RASGRF2: variants seen among roughly 807,000 people sequenced by gnomAD.
The protein encoded by RASGRF2 is ras-specific guanine nucleotide-releasing factor 2.
In RASGRF2, 76 loss-of-function variants were observed where a neutral mutation model predicts 151.0. The ratio of observed to expected loss-of-function variants is 0.50; its 90% confidence interval spans 0.42 to 0.61. The LOEUF is 0.61. RASGRF2 is among the 20% of genes least tolerant of loss of function. The pLI, the probability that RASGRF2 is intolerant of heterozygous loss-of-function variation, is 0.00. For synonymous variants in RASGRF2, 504 were observed against 566.5 expected (o/e 0.89, Z 1.57); for missense variants, 1,148 against 1,564.6 (o/e 0.73, Z 4.49).
chr5:81,163,947 G>A (rs151265450), intron 17 of RASGRF2, among the ~76,000 whole-genome samples: 1 of 152,240 alleles, frequency 6.6e-6, no homozygotes, highest in Non-Finnish European at 1.5e-5. Context: ...GTTAATATGT[G>A]TAAATTGCTT....
intron 1 of RASGRF2, among the ~76,000 whole-genome samples, chr5:80,996,504 C>CTTCTTCTTCTTCTTCTTCTTCTTCTT (rs56180832): frequency 2.0e-5 from 1 of 50,230 alleles, no homozygotes; most frequent in Admixed American, 2.1e-4. Flanking sequence ...TCTTCTTCTT[C>CTTCTTCTTCTTCTTCTTCTTCTTCTT]CTCCTCCTCC....
intron 16 of RASGRF2, among the ~76,000 whole-genome samples, chr5:81,124,582 T>C (rs1753400641): frequency 6.6e-6 from 1 of 152,186 alleles, no homozygotes; most frequent in African/African-American, 2.4e-5. Flanking sequence ...CCAGTCATCA[T>C]TATTGCTAGT....
intron 20 of RASGRF2, 117 bp downstream of exon 20, chr5:81,207,022 G>A: frequency 1.1e-6 from 1 of 918,810 alleles, no homozygotes; most frequent in Non-Finnish European, 1.7e-6. Context: ...TGTCCTATCT[G>A]TGAAGCTCTG....
At chr5:81,189,328 C>T (rs907470093) in intron 18 of RASGRF2, among the ~76,000 whole-genome samples, 2 of 152,200 alleles carry the variant, frequency 1.3e-5, no homozygotes, top group Admixed American at 6.5e-5. Flanking sequence ...GGCATGTCCC[C>T]AGCTGGTAGG....
chr5:81,167,139 C>T (rs1272483406), intron 17 of RASGRF2, among the ~76,000 whole-genome samples: 1 of 152,180 alleles, frequency 6.6e-6, no homozygotes. Flanking sequence ...CATTGCCCTC[C>T]ATGGGTAGAG....
chr5:81,057,731 G>C (rs1022854637), intron 2 of RASGRF2, among the ~76,000 whole-genome samples: 1 of 152,026 alleles, frequency 6.6e-6, no homozygotes, highest in Non-Finnish European at 1.5e-5. Context: ...ACAGTGGCTC[G>C]TGCCTATAAT....
intron 18 of RASGRF2, among the ~76,000 whole-genome samples, chr5:81,181,664 T>A (rs1754920173): frequency 1.3e-5 from 2 of 152,294 alleles, no homozygotes; most frequent in South Asian, 4.1e-4. Context: ...TTCTCAAGAA[T>A]CTTGACAGTT....
chr5:81,217,285 T>C (rs992765921), intron 24 of RASGRF2, 71 bp from the exon 25 acceptor site: 1 of 1,514,104 alleles, frequency 6.6e-7, no homozygotes, highest in Non-Finnish European at 8.8e-7. Flanking sequence ...TAATCCTCCT[T>C]TGTTTAATTT....
intron 24 of RASGRF2, chr5:81,217,041 T>C (rs747265530): frequency 9.0e-6 from 4 of 443,196 alleles, no homozygotes; most frequent in African/African-American, 6.0e-5. Context: ...CTCAAAAAAG[T>C]GTGGGCAGTT....
chr5:80,961,495 G>T (rs1747554385), intron 1 of RASGRF2, among the ~76,000 whole-genome samples: 1 of 152,216 alleles, frequency 6.6e-6, no homozygotes, highest in Admixed American at 6.5e-5. Context: ...GGTTGGGCTG[G>T]GAACAAGCGG....
At chr5:81,223,757 C>T (rs1580419648) in intron 26 of RASGRF2, among the ~76,000 whole-genome samples, 5 of 151,848 alleles carry the variant, frequency 3.3e-5, no homozygotes, top group Admixed American at 3.3e-4. Context: ...ATAAAGAAGG[C>T]ACTCAAAGAA....
At chr5:81,110,274 T>A (rs529621393) in intron 13 of RASGRF2, among the ~76,000 whole-genome samples, 1 of 152,374 alleles carries the variant, frequency 6.6e-6, no homozygotes, top group East Asian at 1.9e-4. Context: ...CTCTCAAGAT[T>A]GCTTTTTAAG....
At chr5:81,001,453 A>T (rs1374764783) in intron 1 of RASGRF2, among the ~76,000 whole-genome samples, 2 of 152,034 alleles carry the variant, frequency 1.3e-5, no homozygotes, top group East Asian at 3.9e-4. Flanking sequence ...GGTGTGCTTT[A>T]TCCTTTTTAC....
intron 2 of RASGRF2, among the ~76,000 whole-genome samples, chr5:81,045,499 G>A (rs1373194496): frequency 1.3e-5 from 2 of 152,238 alleles, no homozygotes; most frequent in African/African-American, 4.8e-5. Flanking sequence ...ACCAGGGCAT[G>A]TGTGATGTTG....
intron 23 of RASGRF2, among the ~76,000 whole-genome samples, chr5:81,215,512 C>G (rs1406108366): frequency 6.6e-6 from 1 of 152,046 alleles, no homozygotes; most frequent in East Asian, 1.9e-4. Flanking sequence ...CTCAGGTGAT[C>G]AACCCGCCTC....
Position 81,031,241 on chromosome 5 carries a change from C to T in RASGRF2, c.289-11636C>T, listed in dbSNP as rs1340398939. On this transcript the variant is annotated intron_variant, in intron 1 of 26. Coordinates refer to ENST00000265080, the MANE Select transcript of RASGRF2 (RefSeq NM_006909.3). ...CCAATGTCAACATTAAACAGATCAA[C>T]GAGACAGAAAGTTAACAAGGATATC... Among the ~76,000 whole-genome samples the T allele has an allele frequency of 1.8e-4, 27 of 152,188 alleles. No individual in the cohort carries two copies. In the South Asian group the frequency reaches 4.2e-3, roughly 23 times the overall value.
At chr5:81,108,869 T>C in intron 12 of RASGRF2, 127 bp from the exon 13 acceptor site, 4 of 1,180,486 alleles carry the variant, frequency 3.4e-6, no homozygotes, top group Non-Finnish European at 4.6e-6. Flanking sequence ...TGTGTGTGTG[T>C]GTGTGTGTGT....
At chr5:81,140,075 T>G (rs1257496872) in intron 17 of RASGRF2, among the ~76,000 whole-genome samples, 1 of 152,148 alleles carries the variant, frequency 6.6e-6, no homozygotes, top group Non-Finnish European at 1.5e-5. Flanking sequence ...GTGATCCTCC[T>G]GCCTCGGCCT....
chr5:81,101,577 T>G (rs768983063), intron 12 of RASGRF2, among the ~76,000 whole-genome samples: 17 of 152,010 alleles, frequency 1.1e-4, no homozygotes, highest in Non-Finnish European at 1.9e-4. Context: ...TTTATATAAA[T>G]GTATCATAAT....
Sources: gnomAD v4.1 joint callset for allele counts (sites outside exome capture counted in the v4.1 genomes callset) on GRCh38, gnomAD v4.1.1 for gene constraint, MANE v1.5 for transcripts, NCBI Gene and HGNC (gene_info 2026-07-23, HGNC 2026-07-21) for gene names.